Variants in NCALD observed in about 807,000 individuals in gnomAD.
NCALD encodes the protein neurocalcin-delta.
In NCALD, 10 loss-of-function variants were observed where a neutral mutation model predicts 18.6. That is an observed-to-expected ratio of 0.54 (90% confidence interval 0.33 to 0.91). The LOEUF is 0.91. Among genes scored for constraint, NCALD ranks in the 40% least tolerant of loss-of-function variants. The pLI, the probability that NCALD is intolerant of heterozygous loss-of-function variation, is 0.03. For synonymous variants in NCALD, 88 were observed against 87.4 expected, an observed-to-expected ratio of 1.01 and a Z score of -0.04; for missense variants, 184 against 247.6, an observed-to-expected ratio of 0.74 and a Z score of 1.72.
intron 1 of NCALD, among the ~76,000 whole-genome samples, chr8:102,050,812 A>C (rs946210982): frequency 6.9e-6 from 1 of 145,592 alleles, no homozygotes; most frequent in African/African-American, 2.5e-5. Flanking sequence ...AATTAATTTA[A>C]TCATTTTTAA....
chr8:102,032,553 C>T (rs377614279), intron 1 of NCALD, among the ~76,000 whole-genome samples: 3 of 143,060 alleles, frequency 2.1e-5, no homozygotes, highest in African/African-American at 5.2e-5. Context: ...TCTATACTAA[C>T]TCATACATAA....
chr8:102,045,821 C>T (rs1823219238), intron 1 of NCALD, among the ~76,000 whole-genome samples: 1 of 152,136 alleles, frequency 6.6e-6, no homozygotes, highest in African/African-American at 2.4e-5. Flanking sequence ...TAAACTGATT[C>T]CATAATCACC....
chr8:101,973,890 G>A (rs1349764706), intron 2 of NCALD, among the ~76,000 whole-genome samples: 1 of 152,216 alleles, frequency 6.6e-6, no homozygotes, highest in Non-Finnish European at 1.5e-5. Flanking sequence ...GTCACGCACT[G>A]TACCAGGTGC....
At chr8:101,948,365 C>T (rs1016330991) in intron 2 of NCALD, among the ~76,000 whole-genome samples, 2 of 152,138 alleles carry the variant, frequency 1.3e-5, no homozygotes, top group Non-Finnish European at 2.9e-5. Context: ...CTACCTACCT[C>T]GGTGAAGGGT....
At chr8:101,700,084 A>C (rs879649545) in intron 2 of NCALD, among the ~76,000 whole-genome samples, 4 of 151,352 alleles carry the variant, frequency 2.6e-5, no homozygotes, top group African/African-American at 4.9e-5. Flanking sequence ...TTTTTGAGAA[A>C]AGGTCTCATT....
intron 1 of NCALD, among the ~76,000 whole-genome samples, chr8:101,738,733 C>A (rs1810046781): frequency 6.6e-6 from 1 of 152,166 alleles, no homozygotes; most frequent in Admixed American, 6.5e-5. Context: ...GGCTTCAAGA[C>A]CTCGTGGCTG....
intron 4 of NCALD, among the ~76,000 whole-genome samples, chr8:101,839,611 T>A (rs1409750447): frequency 6.6e-6 from 1 of 152,204 alleles, no homozygotes; most frequent in Non-Finnish European, 1.5e-5. Flanking sequence ...CAAACATACA[T>A]TCATTCAAGC....
At position 101,886,635 on chromosome 8, in the gene NCALD, A is replaced by C. The variant is rs145449209; in HGVS notation, c.-20+506T>G. Among the ~76,000 whole-genome samples the C allele has an allele frequency of 8.9e-3, 1,356 of 152,372 alleles. 8 individuals carry two copies. The highest frequency in any genetic ancestry group is 0.014 in the Non-Finnish European group (941 of 68,036). On this transcript the variant is annotated intron_variant, in intron 4 of 6. Transcript: ENST00000311028. ...GTAATAATGTTCCTATTCTAACAGGAAATTCACTATTGCTGGTGCTGCTGC... is the reference window on the plus strand; with the variant it reads ...GTAATAATGTTCCTATTCTAACAGGCAATTCACTATTGCTGGTGCTGCTGC...
chr8:101,942,306 C>T (rs892918762), intron 2 of NCALD, among the ~76,000 whole-genome samples: 1 of 152,186 alleles, frequency 6.6e-6, no homozygotes, highest in African/African-American at 2.4e-5. Context: ...AGTTATTCAA[C>T]ACCAATCTTG....
exon 1 of NCALD, chr8:102,124,299 C>T (rs968737019): frequency 1.6e-4 from 25 of 151,524 alleles, no homozygotes; most frequent in African/African-American, 6.0e-4. Context: ...GCGGCAGCGC[C>T]TTCCCTCCGC....
rs538527112 is a variant in NCALD, at chr8:102,004,590, G to C, written c.-157+15647C>G. Reference sequence around the variant, plus strand: ...TCGCCAAGTCAATCCTAAGCCAAAAGAACAAAGCTGGAGGTGTCACACTAC... The same window carrying C: ...TCGCCAAGTCAATCCTAAGCCAAAACAACAAAGCTGGAGGTGTCACACTAC... On this transcript the variant is annotated intron_variant, in intron 2 of 6. Coordinates refer to the NCALD transcript ENST00000311028. Among the ~76,000 whole-genome samples, 99 of 152,258 alleles carry C rather than the reference G, an allele frequency of 6.5e-4. No homozygotes were observed. In the South Asian group the frequency reaches 0.014, roughly 21 times the overall value.
intron 2 of NCALD, among the ~76,000 whole-genome samples, chr8:101,944,281 G>C (rs1819081372): frequency 6.6e-6 from 1 of 152,214 alleles, no homozygotes; most frequent in Non-Finnish European, 1.5e-5. Flanking sequence ...CCTAAAGGTA[G>C]TTTTCACAGG....
chr8:102,050,854 A>G (rs1483162932), intron 1 of NCALD, among the ~76,000 whole-genome samples: 1 of 146,308 alleles, frequency 6.8e-6, no homozygotes, highest in African/African-American at 2.5e-5. Context: ...TAATTTAATT[A>G]ATTAATTTAA....
At chr8:101,754,258 T>C (rs1038722105) in intron 1 of NCALD, among the ~76,000 whole-genome samples, 2 of 152,230 alleles carry the variant, frequency 1.3e-5, no homozygotes, top group Non-Finnish European at 2.9e-5. Context: ...TGTTGGAAAC[T>C]GTTGGATGTT....
At chr8:101,973,660 A>AG (rs1820321993) in intron 2 of NCALD, among the ~76,000 whole-genome samples, 2 of 152,182 alleles carry the variant, frequency 1.3e-5, no homozygotes, top group Non-Finnish European at 2.9e-5. Flanking sequence ...CAGAAAACAG[A>AG]GGGGAAGAGC....
At chr8:101,843,496 A>G (rs888626504) in intron 4 of NCALD, among the ~76,000 whole-genome samples, 2 of 151,788 alleles carry the variant, frequency 1.3e-5, no homozygotes, top group Admixed American at 6.6e-5. Flanking sequence ...TCATAATTTT[A>G]GGGCCATGAA....
At chr8:101,826,192 C>T (rs1203010373) in intron 4 of NCALD, among the ~76,000 whole-genome samples, 1 of 152,192 alleles carries the variant, frequency 6.6e-6, no homozygotes, top group East Asian at 1.9e-4. Flanking sequence ...AGCAAGACTT[C>T]AGAGAAGAAC....
chr8:101,750,104 C>T (rs1810590344), intron 1 of NCALD: 1 of 152,226 alleles, frequency 6.6e-6, no homozygotes, highest in Non-Finnish European at 1.5e-5. Flanking sequence ...AGGAGAAGTG[C>T]TGAGCAAAAG....
intron 2 of NCALD, among the ~76,000 whole-genome samples, chr8:101,936,639 A>T (rs1818774424): frequency 6.6e-6 from 1 of 152,208 alleles, no homozygotes; most frequent in African/African-American, 2.4e-5. Context: ...GATCCTTCCC[A>T]AAACAAACTG....
Sources: allele counts gnomAD v4.1 joint callset (sites outside exome capture counted in the v4.1 genomes callset), GRCh38; gene constraint gnomAD v4.1.1; transcripts MANE v1.5; gene names NCBI Gene and HGNC (gene_info 2026-07-23, HGNC 2026-07-21).